Variants in ROBO2 observed in about 807,000 individuals in gnomAD.
The protein encoded by ROBO2 is roundabout homolog 2.
Under a neutral mutation model 160.8 loss-of-function variants are expected in ROBO2, and 53 were observed. That is an observed-to-expected ratio of 0.33 (90% CI 0.26 to 0.41). The LOEUF (loss-of-function observed/expected upper bound fraction) is 0.41, where lower values mean the gene tolerates loss of function less well. Among genes scored for constraint, ROBO2 ranks in the 10% least tolerant of loss-of-function variants. The probability of loss-of-function intolerance (pLI) is 1.00; values close to 1 mark genes in which losing one functional copy is unlikely to be tolerated. For synonymous variants in ROBO2, 664 were observed against 611.7 expected (o/e 1.09, Z -1.26); for missense variants, 1,577 against 1,722.4 (o/e 0.92, Z 1.49).
intron 2 of ROBO2, among the ~76,000 whole-genome samples, chr3:76,146,190 T>TA (rs2071880149): frequency 6.6e-6 from 1 of 152,046 alleles, no homozygotes; most frequent in Non-Finnish European, 1.5e-5. Flanking sequence ...ACCCCAACAG[T>TA]AAAACATTCT....
intron 2 of ROBO2, among the ~76,000 whole-genome samples, chr3:76,935,652 G>A (rs2077650447): frequency 6.6e-6 from 1 of 152,084 alleles, no homozygotes; most frequent in Non-Finnish European, 1.5e-5. Context: ...CAGCAGATTG[G>A]GTGTCTGCTG....
chr3:76,329,917 A>C (rs1008721977), intron 2 of ROBO2, among the ~76,000 whole-genome samples: 1 of 152,170 alleles, frequency 6.6e-6, no homozygotes, highest in Non-Finnish European at 1.5e-5. Context: ...TTTGAACTTC[A>C]GGAGCGTTTT....
At chr3:75,949,169 CT>C (rs1948442044) in intron 2 of ROBO2, among the ~76,000 whole-genome samples, 1 of 152,034 alleles carries the variant, frequency 6.6e-6, no homozygotes, top group East Asian at 1.9e-4. Flanking sequence ...CTTAATTTTG[CT>C]GAAATAACAA....
chr3:77,301,458 A>T (rs1255671420), intron 2 of ROBO2, among the ~76,000 whole-genome samples: 1 of 152,324 alleles, frequency 6.6e-6, no homozygotes, highest in South Asian at 2.1e-4. Flanking sequence ...CTGAAATTGC[A>T]TATGCATGTA....
intron 2 of ROBO2, among the ~76,000 whole-genome samples, chr3:76,842,734 C>A (rs2068406447): frequency 1.3e-5 from 2 of 152,174 alleles, no homozygotes; most frequent in South Asian, 2.1e-4. Flanking sequence ...ATTTTCACAG[C>A]AGCTCAGATT....
At chr3:77,565,214 C>A in intron 12 of ROBO2, 94 bp downstream of exon 13, 2 of 1,384,680 alleles carry the variant, frequency 1.4e-6, no homozygotes, top group Non-Finnish European at 2.1e-6. Flanking sequence ...CATGTGCCTG[C>A]ATTGCTTTGT....
intron 2 of ROBO2, among the ~76,000 whole-genome samples, chr3:76,394,866 C>A (rs2108680336): frequency 6.6e-6 from 1 of 152,216 alleles, no homozygotes; most frequent in East Asian, 1.9e-4. Context: ...GATTCCCACA[C>A]AATAATAATG....
At chr3:76,368,959 G>A (rs764569337) in intron 2 of ROBO2, among the ~76,000 whole-genome samples, 6 of 151,820 alleles carry the variant, frequency 4.0e-5, no homozygotes, top group Non-Finnish European at 7.4e-5. Flanking sequence ...GTCTACTTGT[G>A]AACAAAAATG....
rs373365553 is a variant in ROBO2, at chr3:77,057,039, A to G, written c.61+16193A>G. ...TATGTTTATTGCGGCATTATTCACA[A>G]TAGCAAAGACTTGGAACCAACCCAA... On this transcript the variant is annotated intron_variant, in intron 1 of 25. Transcript: ENST00000461745. 3.3e-4 allele frequency among the ~76,000 whole-genome samples: 50 copies of G among 152,334 alleles called. No homozygotes were observed. In the East Asian group the frequency reaches 3.7e-3, roughly 11 times the overall value.
At chr3:77,424,676 C>G (rs1223384784) in intron 2 of ROBO2, among the ~76,000 whole-genome samples, 1 of 151,942 alleles carries the variant, frequency 6.6e-6, no homozygotes, top group Non-Finnish European at 1.5e-5. Flanking sequence ...GGTTTTATCC[C>G]CATGAAATTG....
chr3:76,426,991 T>G (rs1182693494), intron 2 of ROBO2, among the ~76,000 whole-genome samples: 1 of 152,120 alleles, frequency 6.6e-6, no homozygotes, highest in Non-Finnish European at 1.5e-5. Context: ...AATTGCTTAT[T>G]TAGCAACACA....
At chr3:76,666,774 C>G (rs925234877) in intron 2 of ROBO2, among the ~76,000 whole-genome samples, 1 of 151,928 alleles carries the variant, frequency 6.6e-6, no homozygotes, top group Non-Finnish European at 1.5e-5. Flanking sequence ...ATTATCAGCA[C>G]ATAAGCACCT....
intron 2 of ROBO2, among the ~76,000 whole-genome samples, chr3:77,401,779 C>A (rs760409308): frequency 1.3e-5 from 2 of 152,096 alleles, no homozygotes; most frequent in Non-Finnish European, 1.5e-5. Flanking sequence ...TGGTTATATA[C>A]CCAATAATGG....
intron 2 of ROBO2, among the ~76,000 whole-genome samples, chr3:76,175,037 A>G (rs1254856187): frequency 6.6e-6 from 1 of 151,936 alleles, no homozygotes; most frequent in Non-Finnish European, 1.5e-5. Flanking sequence ...CTTTTATTTT[A>G]TTGAGCAGTG....
At chr3:76,740,573 A>G (rs2093785800) in intron 2 of ROBO2, among the ~76,000 whole-genome samples, 1 of 152,162 alleles carries the variant, frequency 6.6e-6, no homozygotes, top group South Asian at 2.1e-4. Flanking sequence ...AGTGAAGCAT[A>G]TTTACATGCA....
chr3:76,289,341 T>G (rs1708688784), intron 2 of ROBO2, among the ~76,000 whole-genome samples: 1 of 152,212 alleles, frequency 6.6e-6, no homozygotes, highest in African/African-American at 2.4e-5. Context: ...TTTAATGGGC[T>G]TGATTGTTTT....
intron 2 of ROBO2, among the ~76,000 whole-genome samples, chr3:77,257,764 TAA>T (rs1446367351): frequency 3.3e-5 from 5 of 152,184 alleles, no homozygotes; most frequent in African/African-American, 1.2e-4. Flanking sequence ...ACTTACAAGA[TAA>T]GAGATAAGTG....
At chr3:77,404,433 G>T (rs1302747459) in intron 2 of ROBO2, among the ~76,000 whole-genome samples, 5 of 152,234 alleles carry the variant, frequency 3.3e-5, no homozygotes. Context: ...ATTAAACTTA[G>T]TAATCAGTCT....
intron 2 of ROBO2, among the ~76,000 whole-genome samples, chr3:76,398,702 G>A (rs1327671442): frequency 6.6e-6 from 1 of 151,012 alleles, no homozygotes; most frequent in South Asian, 2.1e-4. Context: ...TATACTAATA[G>A]TTTAGTATAT....
Sources: allele counts gnomAD v4.1 joint callset (sites outside exome capture counted in the v4.1 genomes callset), GRCh38; gene constraint gnomAD v4.1.1; transcripts MANE v1.5; gene names NCBI Gene and HGNC (gene_info 2026-07-23, HGNC 2026-07-21).